Variants in ARMCX4 observed in about 807,000 individuals in gnomAD.
ARMCX4 encodes the protein armadillo repeat containing X-linked 4.
ARMCX4 carries 3 observed loss-of-function variants against 34.7 expected under a neutral mutation model. That is an observed-to-expected ratio of 0.09 (90% CI 0.04 to 0.22). The LOEUF is 0.22. Ranked by LOEUF, ARMCX4 falls within the 10% of genes least tolerant of loss-of-function variation. The pLI, the probability that ARMCX4 is intolerant of heterozygous loss-of-function variation, is 1.00. For synonymous variants in ARMCX4, 513 were observed against 632.8 expected, an observed-to-expected ratio of 0.81 and a Z score of 2.84; for missense variants, 1,448 against 1,720.8, an observed-to-expected ratio of 0.84 and a Z score of 2.81.
chrX:101,488,088 G>T lies in ARMCX4; in HGVS notation c.-158G>T, dbSNP rs199644276. ...CAAGAGGAGAGGAGGGAACTGCCTC[G>T]GATCATTACAGGTTGGTATGAGGGT... On this transcript the variant is annotated 5_prime_UTR_variant, in exon 5 of 6. Transcript: ENST00000423738. 6.6e-6 allele frequency: 6 copies of T among 913,363 alleles called. No homozygotes were observed. The highest frequency in any genetic ancestry group is 8.5e-6 in the Non-Finnish European group (6 of 704,186). 75.3% of individuals were successfully genotyped at this position (913,363 alleles called of 1,213,427 possible).
chrX:101,529,437 T>A (rs1226641207), intron 11 of ARMCX4, among the ~76,000 whole-genome samples: 1 of 111,700 alleles, frequency 9.0e-6, no homozygotes, highest in Non-Finnish European at 1.9e-5. Context: ...GGACTTCATG[T>A]CTAAAACACC....
At chrX:101,421,527 A>G (rs1418489245) in intron 2 of ARMCX4, among the ~76,000 whole-genome samples, 1 of 111,670 alleles carries the variant, frequency 9.0e-6, no homozygotes, top group African/African-American at 3.3e-5. Context: ...ATAGTGGGTA[A>G]TTTATAAACA....
At chrX:101,444,719 T>C (rs1555997671) in intron 3 of ARMCX4, among the ~76,000 whole-genome samples, 1 of 112,113 alleles carries the variant, frequency 8.9e-6, no homozygotes, top group African/African-American at 3.2e-5. Flanking sequence ...AAATAAATAT[T>C]GTGTATATTG....
At chrX:101,433,404 A>G (rs1026051457) in intron 2 of ARMCX4, among the ~76,000 whole-genome samples, 2 of 110,304 alleles carry the variant, frequency 1.8e-5, no homozygotes, top group Non-Finnish European at 3.8e-5. Flanking sequence ...ACATACATAT[A>G]AACATATATA....
chrX:101,509,687 C>T (rs782337755), intron 10 of ARMCX4: 12 of 111,427 alleles, frequency 1.1e-4, no homozygotes, highest in Non-Finnish European at 2.3e-4. Context: ...AGGTATGAGA[C>T]ACTGAGCACT....
At chrX:101,465,003 T>C (rs1932768571) in intron 4 of ARMCX4, among the ~76,000 whole-genome samples, 1 of 111,589 alleles carries the variant, frequency 9.0e-6, no homozygotes, top group African/African-American at 3.3e-5. Flanking sequence ...TTTTATTCTC[T>C]AAGGTAACCA....
downstream of ARMCX4, among the ~76,000 whole-genome samples, chrX:101,534,468 T>C (rs782550378): frequency 9.0e-6 from 1 of 110,980 alleles, no homozygotes; most frequent in Admixed American, 9.6e-5. Context: ...CTTCAGATAT[T>C]GAAACATATT....
intron 2 of ARMCX4, among the ~76,000 whole-genome samples, chrX:101,433,381 T>TGTTTATAC (rs1930443114): frequency 9.1e-6 from 1 of 109,783 alleles, no homozygotes; most frequent in African/African-American, 3.3e-5. Context: ...TATGTACATA[T>TGTTTATAC]ATGTACATAT....
At position 101,489,889 on chromosome X, in the gene ARMCX4, G is replaced by A; in HGVS notation, c.1300G>A (p.Ala434Thr). Residue 434 changes from alanine to threonine, a missense_variant, in exon 6 of 6, where the codon GCA (alanine) becomes ACA (threonine). By Grantham distance (58) the Ala-to-Thr change is moderately conservative. This residue lies in a region of ARMCX4 where 1,343 missense variants were observed against 1,540.7 expected (regional missense o/e 0.87). Transcript: ENST00000423738. ...TGCCATGACTAAAGCAGGGGCCAAG[G>A]CAAACTTGAGGGCCAATTCCCAGGT... The part of the protein sequence containing the change: ...PNAMTKAGAK[A>T]NLRANSQVEA... The A allele has an allele frequency of 8.6e-7, 1 of 1,156,141 alleles. No individual in the cohort carries two copies. The highest frequency in any genetic ancestry group is 1.9e-5 in the South Asian group (1 of 52,749).
intron 4 of ARMCX4, among the ~76,000 whole-genome samples, chrX:101,475,598 C>T (rs1193741236): frequency 9.0e-6 from 1 of 111,527 alleles, no homozygotes; most frequent in Non-Finnish European, 1.9e-5. Flanking sequence ...TAAAAAGAGA[C>T]AGTGACTCTC....
chrX:101,457,988 AGCTTCGGCC>A (rs1223432680), intron 4 of ARMCX4, among the ~76,000 whole-genome samples: 1 of 110,560 alleles, frequency 9.0e-6, no homozygotes, highest in Non-Finnish European at 1.9e-5. Context: ...GTGATCCACC[AGCTTCGGCC>A]TCCCAAAGTG....
intron 9 of ARMCX4, chrX:101,509,568 C>T (rs1476360663): frequency 9.0e-6 from 1 of 111,204 alleles, no homozygotes; most frequent in African/African-American, 3.3e-5. Context: ...TCATTTCTTC[C>T]TCTTTTTGTA....
chrX:101,512,829 CATATAT>C (rs200716915), intron 11 of ARMCX4, among the ~76,000 whole-genome samples: 3 of 83,489 alleles, frequency 3.6e-5, no homozygotes, highest in South Asian at 1.1e-3. Context: ...TATATATACA[CATATAT>C]ATATGTGTAT....
At chrX:101,476,729 C>T (rs1308199306) in intron 4 of ARMCX4, among the ~76,000 whole-genome samples, 1 of 111,212 alleles carries the variant, frequency 9.0e-6, no homozygotes, top group Non-Finnish European at 1.9e-5. Flanking sequence ...CATTTATACA[C>T]TCACTTACAT....
chrX:101,444,645 A>T (rs1555997658), intron 3 of ARMCX4, among the ~76,000 whole-genome samples: 1 of 112,506 alleles, frequency 8.9e-6, no homozygotes, highest in African/African-American at 3.2e-5. Context: ...AGTCTTCCTT[A>T]CCATTTCAAT....
Position 101,493,352 on chromosome X carries a change from G to C in ARMCX4, c.4763G>C (p.Gly1588Ala), listed in dbSNP as rs781941089. 9 of 1,153,717 alleles carry C rather than the reference G, an allele frequency of 7.8e-6. No individual in the cohort carries two copies. The highest frequency in any genetic ancestry group is 2.3e-4 in the Middle Eastern group (1 of 4,328). ...DQAIGGGFWP[G>A]AGDQTGGGSR... ...GCCATTGGAGGGGGGTTCTGGCCTG[G>C]TGCTGGGGACCAGACTGGTGGAGGC... Residue 1588 changes from glycine (G) to alanine (A), a missense_variant, in exon 6 of 6, where the codon GGT becomes GCT. Coordinates refer to ENST00000423738, the MANE Select transcript of ARMCX4 (RefSeq NM_001256155.3).
rs1556008532 is a variant in ARMCX4, at chrX:101,490,648, A to G, written c.2059A>G (p.Lys687Glu). The G allele has an allele frequency of 1.7e-6, 2 of 1,155,707 alleles. No individual in the cohort carries two copies. The highest frequency in any genetic ancestry group is 3.3e-5 in the East Asian group (1 of 30,748). The change falls in exon 6 of 6, where the codon AAG (lysine) becomes GAG (glutamate). Residue 687 changes from lysine to glutamate, a missense_variant. Lys to Glu is a moderately conservative substitution (Grantham distance 56, BLOSUM62 1). Coordinates refer to ENST00000423738, the MANE Select transcript of ARMCX4 (RefSeq NM_001256155.3). ...KGEALLDSKN[K>E]VKGNSNAVSK... Reference sequence around the variant, plus strand: ...TGAGGCCTTGCTTGATTCTAAGAATAAGGTCAAGGGTAATTCCAATGCTGT... The same window carrying G: ...TGAGGCCTTGCTTGATTCTAAGAATGAGGTCAAGGGTAATTCCAATGCTGT...
chrX:101,495,732 T>C lies in ARMCX4; in HGVS notation c.*270T>C, dbSNP rs1934161984. ...AAGTAAGGTAATCTTTGGTCCTTTG[T>C]GTGGACTTATGTTTATACATTTAAG... is the stretch of plus-strand genomic sequence containing the variant. On this transcript the variant is annotated 3_prime_UTR_variant, in exon 6 of 6. Coordinates refer to ENST00000423738, the MANE Select transcript of ARMCX4 (RefSeq NM_001256155.3). 1 of 245,453 alleles carries C rather than the reference T, an allele frequency of 4.1e-6. No individual in the cohort carries two copies. The highest frequency in any genetic ancestry group is 2.8e-5 in the African/African-American group (1 of 35,418). The allele number at this position is 245,453 out of a possible 1,213,427, so 20.2% of individuals were successfully genotyped here.
chrX:101,431,813 G>A (rs1011655402), intron 2 of ARMCX4, among the ~76,000 whole-genome samples: 1 of 112,530 alleles, frequency 8.9e-6, no homozygotes, highest in Admixed American at 9.4e-5. Context: ...AAAGTGCTGG[G>A]ATTATAGGCG....
Sources: gnomAD v4.1 joint callset for allele counts (sites outside exome capture counted in the v4.1 genomes callset) on GRCh38, gnomAD v4.1.1 for gene constraint, gnomAD v4.1.1 regional missense constraint, MANE v1.5 for transcripts, NCBI Gene and HGNC (gene_info 2026-07-23, HGNC 2026-07-21) for gene names.